The following DYNC1H1 variants were observed in gnomAD, a reference collection of about 807,000 sequenced individuals.
DYNC1H1 encodes dynein cytoplasmic 1 heavy chain 1.
Under a neutral mutation model 527.1 loss-of-function variants are expected in DYNC1H1, and 51 were observed. That is an observed-to-expected ratio of 0.10 (90% confidence interval 0.08 to 0.12). The LOEUF (loss-of-function observed/expected upper bound fraction) is 0.12, where lower values mean the gene tolerates loss of function less well. Ranked by LOEUF, DYNC1H1 falls within the 10% of genes least tolerant of loss-of-function variation. DYNC1H1 has a pLI of 1.00. For synonymous variants in DYNC1H1, 2,189 were observed against 2,278.8 expected, an observed-to-expected ratio of 0.96 and a Z score of 1.12; for missense variants, 2,771 against 5,971.8, an observed-to-expected ratio of 0.46 and a Z score of 17.66.
chr14:102,032,606 C>G, intron 52 of DYNC1H1, 139 bp downstream of exon 52: 4 of 1,131,934 alleles, frequency 3.5e-6, no homozygotes, highest in Middle Eastern at 2.3e-4. Context: ...AATCCCAGAA[C>G]TTTGGGAGGC....
In DYNC1H1 at chr14:102,017,811, A is replaced by C; in HGVS notation, c.8177+307A>C. ...GAAACCTCGTCTCTACTGAAAATAC[A>C]AAAACAAAATTAAGGCCGGGCGTGG... On this transcript the variant is annotated intron_variant, in intron 40 of 77. Transcript: ENST00000360184. The surrounding 1 kb of genome is among the most constrained non-coding windows in gnomAD (Gnocchi z 4.6). The C allele has an allele frequency of 2.5e-6, 1 of 404,160 alleles. No homozygotes were observed. The highest frequency in any genetic ancestry group is 4.5e-6 in the Non-Finnish European group (1 of 221,636). The allele number at this position is 404,160 out of a possible 1,614,324, so 25.0% of individuals were successfully genotyped here. A position where few individuals can be genotyped will look rare whatever the true frequency, so the allele number is the denominator to read the frequency against.
rs374117928 is a variant in DYNC1H1, at chr14:102,015,880, A to G, written c.7267A>G (p.Met2423Val). The stretch of plus-strand genomic sequence containing the variant: ...GATCCAAAGAGATGCAGCTACGATC[A>G]TGCAACCGTACTTCACGTCCAACGG... The part of the protein sequence containing the change: ...LQIQRDAATI[M>V]QPYFTSNGLV... The change falls in exon 36 of 78, where the codon ATG (methionine) becomes GTG (valine). Residue 2423 changes from methionine (M) to valine (V), a missense_variant. By Grantham distance (21) the Met-to-Val change is conservative (BLOSUM62 1). Around this residue, in one of 32 missense-constraint regions of DYNC1H1, gnomAD observed 122 missense variants for 168.4 expected, o/e 0.72. Transcript: ENST00000360184. This position sits in a 1 kb window ranked among gnomAD's most constrained non-coding sequence, Gnocchi z 6.9. The G allele has an allele frequency of 6.2e-6, 10 of 1,614,254 alleles. No homozygotes were observed. Among genetic ancestry groups the G allele is most frequent in the Non-Finnish European group, 7.6e-6 (9 of 1,180,046 alleles).
At chr14:102,006,859 C>T (rs1423370084) in intron 27 of DYNC1H1, 149 bp from the exon 28 acceptor site, 8 of 786,982 alleles carry the variant, frequency 1.0e-5, no homozygotes, top group South Asian at 3.0e-5. Context: ...CTCGGCCTCC[C>T]GAAGTGCTGG....
chr14:102,032,260 G>A lies in DYNC1H1; in HGVS notation c.9884-12G>A. The A allele has an allele frequency of 1.9e-6, 3 of 1,613,288 alleles. No homozygotes were observed. In the South Asian group the frequency reaches 3.3e-5, roughly 18 times the overall value. On this transcript the variant is annotated splice_polypyrimidine_tract_variant and intron_variant, in intron 51 of 77. Coordinates refer to ENST00000360184, the MANE Select transcript of DYNC1H1 (RefSeq NM_001376.5). ...CACCCATCGACCCTCATCCACTCCT[G>A]CTGCCACTCAGCTGTGAAGTCGATC...
intron 41 of DYNC1H1, among the ~76,000 whole-genome samples, chr14:102,019,276 CT>C (rs947859733): frequency 8.5e-5 from 13 of 152,222 alleles, no homozygotes; most frequent in African/African-American, 2.9e-4. Flanking sequence ...ACAAAAATGT[CT>C]TTGCCCATTT....
intron 4 of DYNC1H1, 96 bp downstream of exon 4, chr14:101,980,070 A>T: frequency 6.4e-7 from 1 of 1,574,164 alleles, no homozygotes; most frequent in Admixed American, 1.7e-5. Flanking sequence ...AAATTATGTG[A>T]TAACTTGTTA....
At chr14:101,984,450 A>ATTT (rs34383305) in intron 7 of DYNC1H1, among the ~76,000 whole-genome samples, 13 of 69,962 alleles carry the variant, frequency 1.9e-4, no homozygotes, top group South Asian at 1.0e-3. Context: ...TATATATTAT[A>ATTT]TTTTTTTTTT....
chr14:101,964,622 C>T lies in DYNC1H1; in HGVS notation c.-70C>T, dbSNP rs1269110455. 7 of 1,532,410 alleles carry T rather than the reference C, an allele frequency of 4.6e-6. No individual in the cohort carries two copies. The highest frequency in any genetic ancestry group is 3.6e-5 in the South Asian group (3 of 84,456). The allele number at this position is 1,532,410 out of a possible 1,614,324, so 94.9% of individuals were successfully genotyped here. A position where few individuals can be genotyped will look rare whatever the true frequency, so the allele number is the denominator to read the frequency against. On this transcript the variant is annotated 5_prime_UTR_variant, in exon 1 of 78. Coordinates refer to ENST00000360184, the MANE Select transcript of DYNC1H1 (RefSeq NM_001376.5). The surrounding 1 kb of genome is among the most constrained non-coding windows in gnomAD (Gnocchi z 5.5). The stretch of plus-strand genomic sequence containing the variant: ...TCCGGCTTCCGGCGGCCGTTTCTGT[C>T]TCTTGCTGGCTGTCTCGCTGAGTCG...
chr14:102,020,237 G>C lies in DYNC1H1; in HGVS notation c.8507+181G>C, dbSNP rs1274340347. On this transcript the variant is annotated intron_variant, in intron 42 of 77. Coordinates refer to ENST00000360184, the MANE Select transcript of DYNC1H1 (RefSeq NM_001376.5). This position sits in a 1 kb window ranked among gnomAD's most constrained non-coding sequence, Gnocchi z 4.3. Reference sequence around the variant, plus strand: ...CTGGACACTGGTCACAGTTGCCCCAGGGTAACAAAGTCACAGTGCGCTGAA... The same window carrying C: ...CTGGACACTGGTCACAGTTGCCCCACGGTAACAAAGTCACAGTGCGCTGAA... Among the ~76,000 whole-genome samples the C allele has an allele frequency of 2.6e-5, 4 of 152,296 alleles. No individual in the cohort carries two copies. In the South Asian group the frequency reaches 6.2e-4, roughly 24 times the overall value.
intron 72 of DYNC1H1, 170 bp from the exon 73 acceptor site, chr14:102,047,635 GTGTGTGTATATA>G (rs1567024995): frequency 5.0e-6 from 2 of 398,596 alleles, no homozygotes; most frequent in Non-Finnish European, 4.2e-6. Flanking sequence ...GTGTGTGTGT[GTGTGTGTATATA>G]TATATATATA....
chr14:102,015,704 C>A lies in DYNC1H1; in HGVS notation c.7243-152C>A, dbSNP rs988694177. On this transcript the variant is annotated intron_variant, in intron 35 of 77. Transcript: ENST00000360184. This position sits in a 1 kb window ranked among gnomAD's most constrained non-coding sequence, Gnocchi z 6.9. ...CCTGGGAAGCAGGGTTTTTGAGAAC[C>A]ACCAGGGTGAAGGAATGAGGACTGG... The A allele has an allele frequency of 2.2e-6, 2 of 897,558 alleles. No individual in the cohort carries two copies. Among genetic ancestry groups the A allele is most frequent in the Non-Finnish European group, 3.5e-6 (2 of 575,360 alleles). 55.6% of individuals were successfully genotyped at this position (897,558 alleles called of 1,614,324 possible). A position where few individuals can be genotyped will look rare whatever the true frequency, so the allele number is the denominator to read the frequency against.
Position 102,049,870 on chromosome 14 carries a change from T to C in DYNC1H1, c.13672T>C (p.Phe4558Leu). 2 of 1,613,850 alleles carry C rather than the reference T, an allele frequency of 1.2e-6. No homozygotes were observed. Among genetic ancestry groups the C allele is most frequent in the Non-Finnish European group, 1.7e-6 (2 of 1,180,018 alleles). ...GGGCGCCACCCTTGACGCTTGCAGC[T>C]TCGGAGTCACGGGTGAGTGGAGTCT... ...SQGATLDACS[F>L]GVTGLKLQGA... Residue 4558 changes from phenylalanine to leucine, a missense_variant, in exon 76 of 78, where the codon TTC (phenylalanine) becomes CTC (leucine). Around this residue, in one of 32 missense-constraint regions of DYNC1H1, gnomAD observed 106 missense variants for 139.2 expected, o/e 0.76. Transcript: ENST00000360184. This position sits in a 1 kb window ranked among gnomAD's most constrained non-coding sequence, Gnocchi z 5.5.
intron 4 of DYNC1H1, among the ~76,000 whole-genome samples, 188 bp downstream of exon 4, chr14:101,980,162 A>G (rs1244018306): frequency 1.3e-5 from 2 of 152,154 alleles, no homozygotes; most frequent in Admixed American, 1.3e-4. Context: ...ACAGTGTGAG[A>G]TTGCTTGAGT....
rs1224475174 is a variant in DYNC1H1 at position 102,005,039 on chromosome 14, C to A, written c.5239-3C>A. Reference sequence around the variant, plus strand: ...TTTGGGATCTTGTTTCTGTGTCTTTCAGGCCCAGCTTGTGGTTTTGTCAGC... The same window carrying A: ...TTTGGGATCTTGTTTCTGTGTCTTTAAGGCCCAGCTTGTGGTTTTGTCAGC... On this transcript the variant is annotated splice_region_variant and splice_polypyrimidine_tract_variant and intron_variant, in intron 25 of 77. Coordinates refer to ENST00000360184, the MANE Select transcript of DYNC1H1 (RefSeq NM_001376.5). The surrounding 1 kb of genome is among the most constrained non-coding windows in gnomAD (Gnocchi z 4.0). 6.2e-7 allele frequency: 1 copy of A among 1,614,064 alleles called. No homozygotes were observed. The highest frequency in any genetic ancestry group is 8.5e-7 in the Non-Finnish European group (1 of 1,180,056).
intron 51 of DYNC1H1, among the ~76,000 whole-genome samples, chr14:102,031,597 G>A (rs1392604139): frequency 6.6e-6 from 1 of 152,086 alleles, no homozygotes; most frequent in Non-Finnish European, 1.5e-5. Flanking sequence ...AATTTAAAAT[G>A]TCTGTTGAAA....
At position 101,994,306 on chromosome 14, in the gene DYNC1H1, A is replaced by G. The variant is rs1257984680; in HGVS notation, c.3138A>G (p.Glu1046=). 1 of 1,614,196 alleles carries G rather than the reference A, an allele frequency of 6.2e-7. No individual in the cohort carries two copies. Among genetic ancestry groups the G allele is most frequent in the Non-Finnish European group, 8.5e-7 (1 of 1,180,040 alleles). ...CTGCTGTCATGGGCATTGTATCTGA[A>G]GTTGAACAGTATGTCAAGGTAAGAA... ...SYSAVMGIVS[E]VEQYVKVWLQ... is the part of the protein sequence containing the mutation. Residue 1046 remains glutamate, a synonymous_variant, in exon 12 of 78, where the codon GAA becomes GAG. Transcript: ENST00000360184.
rs1035769864 is a variant in DYNC1H1 at position 102,017,749 on chromosome 14, G to A, written c.8177+245G>A. On this transcript the variant is annotated intron_variant, in intron 40 of 77. Transcript: ENST00000360184. The surrounding 1 kb of genome is among the most constrained non-coding windows in gnomAD (Gnocchi z 4.6). The stretch of plus-strand genomic sequence containing the variant: ...TGGGAGGCCGAGGCGGGCGGATCAC[G>A]AGGTCAGGAGATTGAGACCATCCTG... The A allele has an allele frequency of 3.7e-5, 21 of 570,252 alleles. No homozygotes were observed. Among genetic ancestry groups the A allele is most frequent in the African/African-American group, 9.5e-5 (5 of 52,756 alleles). The allele number at this position is 570,252 out of a possible 1,614,324, so 35.3% of individuals were successfully genotyped here.
Position 102,042,898 on chromosome 14 carries a change from CT to C in DYNC1H1, c.12513+152del. ...GCTTTTCAGCTGTAGGTAAAATTTC[CT>C]TCCATGGCCGGGCACCGTGGCTCAC... On this transcript the variant is annotated intron_variant, in intron 69 of 77. Transcript: ENST00000360184. This position sits in a 1 kb window ranked among gnomAD's most constrained non-coding sequence, Gnocchi z 5.7. 2.2e-6 allele frequency: 2 copies of C among 918,474 alleles called. No individual in the cohort carries two copies. The highest frequency in any genetic ancestry group is 3.4e-6 in the Non-Finnish European group (2 of 583,778). 56.9% of individuals were successfully genotyped at this position (918,474 alleles called of 1,614,324 possible). A position where few individuals can be genotyped will look rare whatever the true frequency, so the allele number is the denominator to read the frequency against.
rs797044851 is a variant in DYNC1H1 at position 102,042,121 on chromosome 14, A to G, written c.12211A>G (p.Ile4071Val). 6.2e-7 allele frequency: 1 copy of G among 1,614,036 alleles called. No individual in the cohort carries two copies. Among genetic ancestry groups the G allele is most frequent in the Non-Finnish European group, 8.5e-7 (1 of 1,180,006 alleles). ...GAACACGCAGATCACTTCAATTGCA[A>G]TCGGTAAGGATGCTTGAGGGGCTTC... ...EQNTQITSIA[I>V]GSAEGFNQAD... Residue 4071 changes from isoleucine (I) to valine (V), a missense_variant, in exon 66 of 78, where the codon ATC becomes GTC. This residue lies in a region of DYNC1H1 where 195 missense variants were observed against 428.6 expected (regional missense o/e 0.45). Coordinates refer to ENST00000360184, the MANE Select transcript of DYNC1H1 (RefSeq NM_001376.5). The surrounding 1 kb of genome is among the most constrained non-coding windows in gnomAD (Gnocchi z 5.7).
Sources: gnomAD v4.1 joint callset for allele counts (sites outside exome capture counted in the v4.1 genomes callset) on GRCh38, gnomAD v4.1.1 for gene constraint, gnomAD v4.1.1 regional missense constraint, Gnocchi (gnomAD v3.1) non-coding constraint, MANE v1.5 for transcripts, NCBI Gene and HGNC (gene_info 2026-07-23, HGNC 2026-07-21) for gene names.